ZFPM1: variants seen among roughly 807,000 people sequenced by gnomAD.
The protein encoded by ZFPM1 is zinc finger protein ZFPM1.
Under a neutral mutation model 46.3 loss-of-function variants are expected in ZFPM1, and 28 were observed. The observed-to-expected ratio is 0.60, with a 90% CI of 0.45 to 0.83. ZFPM1 has a LOEUF of 0.83. ZFPM1 is among the 40% of genes least tolerant of loss of function. The probability of loss-of-function intolerance (pLI) is 0.00; values close to 1 mark genes in which losing one functional copy is unlikely to be tolerated. For missense variants in ZFPM1, 1,878 were observed against 1,432.4 expected (o/e 1.31, Z -5.02); for synonymous variants, 957 against 675.9 (o/e 1.42, Z -6.45).
intron 1 of ZFPM1, among the ~76,000 whole-genome samples, 179 bp from the exon 2 acceptor site, chr16:88,485,760 G>A (rs550486893): frequency 1.4e-4 from 21 of 152,260 alleles, no homozygotes; most frequent in Middle Eastern, 3.4e-3. Flanking sequence ...GAGGAACCCA[G>A]AGGGAGCCCC....
chr16:88,467,043 G>C (rs531589545), intron 1 of ZFPM1, among the ~76,000 whole-genome samples: 2 of 152,028 alleles, frequency 1.3e-5, no homozygotes, highest in Admixed American at 1.3e-4. Context: ...CTCTCTGCCC[G>C]CAGCCCACCC....
Position 88,486,128 on chromosome 16 carries a change from T to C in ZFPM1, c.145+85T>C, listed in dbSNP as rs1909210623. 2.2e-6 allele frequency: 3 copies of C among 1,388,692 alleles called. No homozygotes were observed. In the South Asian group the frequency reaches 3.8e-5, roughly 17 times the overall value. 86.0% of individuals were successfully genotyped at this position (1,388,692 alleles called of 1,614,324 possible). On this transcript the variant is annotated intron_variant, in intron 2 of 9. Coordinates refer to ENST00000319555, the MANE Select transcript of ZFPM1 (RefSeq NM_153813.3). The stretch of plus-strand genomic sequence containing the variant: ...ACCATGCCCTCAGAGCTCAGTGGTG[T>C]CTGAGAGGTGTGGGCCAACTATATG...
intron 3 of ZFPM1, among the ~76,000 whole-genome samples, chr16:88,491,616 G>A (rs943011392): frequency 2.0e-5 from 3 of 152,200 alleles, no homozygotes; most frequent in Non-Finnish European, 2.9e-5. Context: ...TTCTCCAGAC[G>A]GAGAAGGCCC....
At chr16:88,485,223 C>T (rs891587134) in intron 1 of ZFPM1, among the ~76,000 whole-genome samples, 6 of 152,122 alleles carry the variant, frequency 3.9e-5, no homozygotes, top group East Asian at 3.9e-4. Flanking sequence ...AGGGCCCACT[C>T]GCAGCTCCAG....
chr16:88,473,042 C>T (rs1433082304), intron 1 of ZFPM1, among the ~76,000 whole-genome samples: 1 of 152,268 alleles, frequency 6.6e-6, no homozygotes, highest in Non-Finnish European at 1.5e-5. Context: ...CCCTGCGGCG[C>T]TGCCGTCCCC....
At chr16:88,458,082 G>C (rs1294837786) in intron 1 of ZFPM1, among the ~76,000 whole-genome samples, 3 of 152,212 alleles carry the variant, frequency 2.0e-5, no homozygotes, top group Admixed American at 6.5e-5. Flanking sequence ...TACATCTGGG[G>C]AAACTGAAGC....
chr16:88,459,038 C>T (rs140505605), intron 1 of ZFPM1, among the ~76,000 whole-genome samples: 212 of 152,350 alleles, frequency 1.4e-3, no homozygotes, highest in Middle Eastern at 3.4e-3. Flanking sequence ...AGCCGGCGCC[C>T]GTCAGGGCTG....
chr16:88,502,065 CATTT>C (rs763371544), intron 3 of ZFPM1, among the ~76,000 whole-genome samples: 24,164 of 70,152 alleles, frequency 0.34, 2,871 homozygotes, highest in Non-Finnish European at 0.45. Context: ...CGCCCCCCCC[CATTT>C]ATTTATTTAT....
At chr16:88,532,995 G>A in intron 9 of ZFPM1, 60 bp downstream of exon 9, 1 of 1,601,126 alleles carries the variant, frequency 6.2e-7, no homozygotes, top group Non-Finnish European at 8.5e-7. Flanking sequence ...TGGGAAGGGA[G>A]TGGGCTTGTC....
At chr16:88,467,459 C>T (rs940264002) in intron 1 of ZFPM1, among the ~76,000 whole-genome samples, 9 of 152,246 alleles carry the variant, frequency 5.9e-5, no homozygotes, top group African/African-American at 2.2e-4. Context: ...GCTCAGCACC[C>T]GCCCCAGTGA....
chr16:88,497,795 A>G lies in ZFPM1; in HGVS notation c.268+8642A>G, dbSNP rs570246613. ...CGACAGGGCCCGCCCGAGGCTGGGAATCCTCACCCGAGTGTGTGAGGGCGT... is the reference window on the plus strand; with the variant it reads ...CGACAGGGCCCGCCCGAGGCTGGGAGTCCTCACCCGAGTGTGTGAGGGCGT... On this transcript the variant is annotated intron_variant, in intron 3 of 9. Transcript: ENST00000319555. The surrounding 1 kb of genome is among the most constrained non-coding windows in gnomAD (Gnocchi z 5.4). 1.3e-5 allele frequency among the ~76,000 whole-genome samples: 2 copies of G among 152,204 alleles called. No individual in the cohort carries two copies. Among genetic ancestry groups the G allele is most frequent in the African/African-American group, 2.4e-5 (1 of 41,546 alleles).
At chr16:88,507,014 C>G (rs1910699908) in intron 3 of ZFPM1, among the ~76,000 whole-genome samples, 1 of 152,230 alleles carries the variant, frequency 6.6e-6, no homozygotes, top group South Asian at 2.1e-4. Flanking sequence ...TCCTGCTGGC[C>G]TTTCCAGGTG....
At position 88,534,493 on chromosome 16, in the gene ZFPM1, G is replaced by A. The variant is rs1297922830; in HGVS notation, c.2535G>A (p.Pro845=). The change falls in exon 10 of 10, where the codon CCG becomes CCA. Residue 845 remains proline (P), a synonymous_variant. Coordinates refer to ENST00000319555, the MANE Select transcript of ZFPM1 (RefSeq NM_153813.3). ...HKKYSCPAAP[P]PGALGLPAAA... ...AGTACTCGTGCCCCGCTGCGCCACC[G>A]CCCGGCGCGCTCGGCCTGCCCGCCG... 6.8e-7 allele frequency: 1 copy of A among 1,465,364 alleles called. No homozygotes were observed. Among genetic ancestry groups the A allele is most frequent in the South Asian group, 1.3e-5 (1 of 79,130 alleles). 90.8% of individuals were successfully genotyped at this position (1,465,364 alleles called of 1,614,324 possible).
In ZFPM1 at chr16:88,536,112, T is replaced by C. The variant is rs1913235968; in HGVS notation, c.*1133T>C. 1 of 152,108 alleles carries C rather than the reference T, an allele frequency of 6.6e-6. No homozygotes were observed. The highest frequency in any genetic ancestry group is 6.5e-5 in the Admixed American group (1 of 15,278). 9.4% of individuals were successfully genotyped at this position (152,108 alleles called of 1,614,324 possible). On this transcript the variant is annotated 3_prime_UTR_variant, in exon 10 of 10. Transcript: ENST00000319555. ...CTGGGGCTACAGGTGTACACCACCA[T>C]GCCCAGCTAGTTTTTGTGTTTTTTG...
rs1330868999 is a variant in ZFPM1, at chr16:88,497,395, C to T, written c.268+8242C>T. Among the ~76,000 whole-genome samples, 3 of 138,480 alleles carry T rather than the reference C, an allele frequency of 2.2e-5. No homozygotes were observed. The highest frequency in any genetic ancestry group is 2.5e-4 in the South Asian group (1 of 3,934). 90.8% of individuals were successfully genotyped at this position (138,480 alleles called of 152,430 possible). ...GGTGGCTGGAACATCAGGGCCCGGGCGGGGATGGGGTTCAGAGGGGTCAGG... is the reference window on the plus strand; with the variant it reads ...GGTGGCTGGAACATCAGGGCCCGGGTGGGGATGGGGTTCAGAGGGGTCAGG... On this transcript the variant is annotated intron_variant, in intron 3 of 9. Transcript: ENST00000319555. The surrounding 1 kb of genome is among the most constrained non-coding windows in gnomAD (Gnocchi z 5.4).
At chr16:88,455,645 A>G (rs1013120584) in intron 1 of ZFPM1, among the ~76,000 whole-genome samples, 9 of 149,898 alleles carry the variant, frequency 6.0e-5, no homozygotes, top group African/African-American at 2.2e-4. Context: ...CCGCGCCCCC[A>G]TCAAAGCCCT....
At chr16:88,530,202 G>A (rs920242017) in intron 6 of ZFPM1, among the ~76,000 whole-genome samples, 7 of 152,184 alleles carry the variant, frequency 4.6e-5, no homozygotes, top group African/African-American at 9.7e-5. Context: ...CGCTGATAAC[G>A]CCAGTAAGAC....
intron 3 of ZFPM1, among the ~76,000 whole-genome samples, chr16:88,496,182 A>G (rs1909920925): frequency 1.3e-5 from 2 of 152,150 alleles, no homozygotes; most frequent in African/African-American, 2.4e-5. Flanking sequence ...CTCAGCACAC[A>G]TCCCCTGCCT....
chr16:88,533,108 G>A, intron 9 of ZFPM1, 40 bp from the exon 10 acceptor site: 1 of 1,455,790 alleles, frequency 6.9e-7, no homozygotes, highest in East Asian at 2.5e-5. Flanking sequence ...GCCAGGTCCT[G>A]CCCCAGGCCT....
Sources: allele counts gnomAD v4.1 joint callset (sites outside exome capture counted in the v4.1 genomes callset), GRCh38; gene constraint gnomAD v4.1.1; non-coding constraint Gnocchi (gnomAD v3.1); transcripts MANE v1.5; gene names NCBI Gene and HGNC (gene_info 2026-07-23, HGNC 2026-07-21).